Variants in ELMO1 observed in about 807,000 individuals in gnomAD.
The protein encoded by ELMO1 is engulfment and cell motility 1.
ELMO1 carries 26 observed loss-of-function variants against 98.9 expected under a neutral mutation model. The observed-to-expected ratio is 0.26, with a 90% CI of 0.19 to 0.36. ELMO1 has a LOEUF of 0.36. Among genes scored for constraint, ELMO1 ranks in the 10% least tolerant of loss-of-function variants. The probability of loss-of-function intolerance (pLI) is 1.00; values close to 1 mark genes in which losing one functional copy is unlikely to be tolerated. For synonymous variants in ELMO1, 346 were observed against 346.0 expected (o/e 1.00, Z 0.00); for missense variants, 627 against 935.2 (o/e 0.67, Z 4.30).
intron 2 of ELMO1, among the ~76,000 whole-genome samples, chr7:37,318,554 G>T (rs151003795): frequency 0.021 from 3,252 of 152,296 alleles, 91 homozygotes; most frequent in Admixed American, 0.077. Context: ...AAAGACAGAG[G>T]TCTCTAGGGT....
chr7:37,195,737 T>A (rs538616971), intron 13 of ELMO1, among the ~76,000 whole-genome samples: 1 of 152,338 alleles, frequency 6.6e-6, no homozygotes, highest in Admixed American at 6.5e-5. Context: ...TAGATGCCCC[T>A]GAACTTTAAA....
chr7:37,219,933 A>G (rs1793501809), intron 10 of ELMO1, among the ~76,000 whole-genome samples: 1 of 152,256 alleles, frequency 6.6e-6, no homozygotes, highest in Non-Finnish European at 1.5e-5. Context: ...AAAATTCAGA[A>G]CTTTTAATTT....
intron 1 of ELMO1, among the ~76,000 whole-genome samples, chr7:37,435,451 A>G (rs1805104784): frequency 6.6e-6 from 1 of 152,236 alleles, no homozygotes; most frequent in Non-Finnish European, 1.5e-5. Flanking sequence ...TATTCCTAAT[A>G]CAACTTCTGG....
chr7:37,091,102 T>C (rs1784058355), intron 15 of ELMO1, among the ~76,000 whole-genome samples: 1 of 152,166 alleles, frequency 6.6e-6, no homozygotes, highest in African/African-American at 2.4e-5. Flanking sequence ...AATGTATTTA[T>C]TTACTTATGT....
chr7:36,976,435 T>A (rs981774806), intron 16 of ELMO1, among the ~76,000 whole-genome samples: 1 of 152,234 alleles, frequency 6.6e-6, no homozygotes, highest in African/African-American at 2.4e-5. Flanking sequence ...TTCTTCTCGA[T>A]TGAGCTTAAC....
intron 1 of ELMO1, among the ~76,000 whole-genome samples, chr7:37,415,796 A>G (rs1804189997): frequency 6.6e-6 from 1 of 152,222 alleles, no homozygotes; most frequent in Non-Finnish European, 1.5e-5. Flanking sequence ...AGTGGATCCA[A>G]CTTAAAGTTA....
chr7:37,427,010 T>C (rs1804737934), intron 1 of ELMO1, among the ~76,000 whole-genome samples: 1 of 151,772 alleles, frequency 6.6e-6, no homozygotes, highest in Admixed American at 6.6e-5. Context: ...ATTCTACGTC[T>C]TTTTTCCCGA....
chr7:37,113,683 G>T (rs193301688), intron 14 of ELMO1, among the ~76,000 whole-genome samples: 2 of 152,188 alleles, frequency 1.3e-5, no homozygotes, highest in Non-Finnish European at 2.9e-5. Flanking sequence ...GCTCCAACCC[G>T]CTGTATAGCA....
chr7:37,171,713 C>T (rs200137786), intron 13 of ELMO1, among the ~76,000 whole-genome samples: 5 of 151,742 alleles, frequency 3.3e-5, no homozygotes, highest in Admixed American at 6.6e-5. Context: ...AGGATGGTCT[C>T]GATCTCCTGA....
Position 37,224,818 on chromosome 7 carries a change from G to A in ELMO1, c.701+61C>T. 20 of 1,591,138 alleles carry A rather than the reference G, an allele frequency of 1.3e-5. No homozygotes were observed. In the South Asian group the frequency reaches 2.2e-4, roughly 18 times the overall value. On this transcript the variant is annotated intron_variant, in intron 9 of 21. Coordinates refer to ENST00000310758, the MANE Select transcript of ELMO1 (RefSeq NM_014800.11). ...ATAACAACATAAAACGTTTCCCAGT[G>A]CATTACCGTGGCCATCTTCCTGAAG...
chr7:37,254,626 T>C (rs1249893948), intron 6 of ELMO1, among the ~76,000 whole-genome samples: 5 of 152,146 alleles, frequency 3.3e-5, no homozygotes, highest in Admixed American at 2.6e-4. Context: ...TTTGTGTATC[T>C]AAACAGAGAA....
intron 4 of ELMO1, among the ~76,000 whole-genome samples, chr7:37,297,807 C>T (rs34376797): frequency 0.072 from 10,892 of 152,134 alleles, 575 homozygotes; most frequent in African/African-American, 0.14. Context: ...GTTTAATCCT[C>T]ATTATATAAT....
intron 16 of ELMO1, among the ~76,000 whole-genome samples, chr7:36,972,739 G>A (rs1790079371): frequency 6.6e-6 from 1 of 152,178 alleles, no homozygotes; most frequent in Non-Finnish European, 1.5e-5. Context: ...AACTTTCGGA[G>A]GTTAGGACTT....
At chr7:36,898,841 G>A (rs28496648) in intron 16 of ELMO1, among the ~76,000 whole-genome samples, 31,266 of 152,124 alleles carry the variant, frequency 0.21, 3,746 homozygotes, top group African/African-American at 0.32. Context: ...CTCTCAGCCT[G>A]GGACAGTGGA....
At chr7:37,053,184 C>T (rs547084958) in intron 15 of ELMO1, among the ~76,000 whole-genome samples, 1 of 152,050 alleles carries the variant, frequency 6.6e-6, no homozygotes, top group South Asian at 2.1e-4. Flanking sequence ...AAAAAGGAAA[C>T]TCTAACTTGA....
intron 13 of ELMO1, among the ~76,000 whole-genome samples, chr7:37,143,825 C>A (rs1787803234): frequency 6.7e-6 from 1 of 149,422 alleles, no homozygotes; most frequent in Admixed American, 6.7e-5. Flanking sequence ...ATTCTCCTGT[C>A]TCAGCCTCCC....
chr7:37,140,350 C>T (rs1224023415), intron 13 of ELMO1, among the ~76,000 whole-genome samples: 1 of 151,644 alleles, frequency 6.6e-6, no homozygotes. Flanking sequence ...GGCGCCAGTG[C>T]ACTCCAGCCT....
At chr7:37,338,121 T>G (rs752779287) in intron 2 of ELMO1, among the ~76,000 whole-genome samples, 1 of 152,174 alleles carries the variant, frequency 6.6e-6, no homozygotes, top group Non-Finnish European at 1.5e-5. Context: ...AATGGCTGCT[T>G]TTATTGAGGA....
At chr7:37,404,824 G>A (rs1432865207) in intron 1 of ELMO1, among the ~76,000 whole-genome samples, 2 of 152,164 alleles carry the variant, frequency 1.3e-5, no homozygotes, top group African/African-American at 2.4e-5. Flanking sequence ...GGTCGCAACT[G>A]GGTAATCGTT....
Sources: allele counts gnomAD v4.1 joint callset (sites outside exome capture counted in the v4.1 genomes callset), GRCh38; gene constraint gnomAD v4.1.1; transcripts MANE v1.5; gene names NCBI Gene and HGNC (gene_info 2026-07-23, HGNC 2026-07-21).